The following SLCO3A1 variants were observed in gnomAD, a reference collection of about 807,000 sequenced individuals.
SLCO3A1 encodes the protein solute carrier organic anion transporter family member 3A1.
SLCO3A1 carries 27 observed loss-of-function variants against 63.1 expected under a neutral mutation model. The ratio of observed to expected loss-of-function variants is 0.43; its 90% confidence interval spans 0.32 to 0.59. SLCO3A1 has a LOEUF of 0.59. SLCO3A1 is among the 20% of genes least tolerant of loss of function. The pLI is 0.09. For synonymous variants in SLCO3A1, 473 were observed against 409.9 expected (o/e 1.15, Z -1.86); for missense variants, 773 against 945.8 (o/e 0.82, Z 2.40).
chr15:91,963,353 A>G (rs1900522748), intron 2 of SLCO3A1, among the ~76,000 whole-genome samples: 1 of 126,288 alleles, frequency 7.9e-6, no homozygotes, highest in Admixed American at 1.0e-4. Flanking sequence ...TTCAGCTGTT[A>G]GGGAGACCAG....
In SLCO3A1 at chr15:91,916,445, C is replaced by T. The variant is rs762651362; in HGVS notation, c.633C>T (p.Ser211=). 8.1e-6 allele frequency: 13 copies of T among 1,608,450 alleles called. No individual in the cohort carries two copies. In the African/African-American group the frequency reaches 1.7e-4, roughly 21 times the overall value. The change falls in exon 2 of 10, where the codon TCC becomes TCT. Residue 211 remains serine, a synonymous_variant. Transcript: ENST00000318445. This position sits in a 1 kb window ranked among gnomAD's most constrained non-coding sequence, Gnocchi z 6.2. ...YIDDHVRRKD[S]SLYIGILFTM... is the part of the protein sequence containing the mutation. ...ACGACCACGTGCGGAGGAAGGACTC[C>T]TCGCTCTATATAGGTAGGAGCTGCC...
rs1046286940 is a variant in SLCO3A1 at position 91,942,410 on chromosome 15, C to G, written c.646+25952C>G. 6.6e-6 allele frequency among the ~76,000 whole-genome samples: 1 copy of G among 152,148 alleles called. No homozygotes were observed. Among genetic ancestry groups the G allele is most frequent in the African/African-American group, 2.4e-5 (1 of 41,412 alleles). ...CCTATAGCTGTGCAGGTAAAACATGCCATTTAGCAGTGCTACTATGGCACA... is the reference window on the plus strand; with the variant it reads ...CCTATAGCTGTGCAGGTAAAACATGGCATTTAGCAGTGCTACTATGGCACA... On this transcript the variant is annotated intron_variant, in intron 2 of 9. Transcript: ENST00000318445. This position sits in a 1 kb window ranked among gnomAD's most constrained non-coding sequence, Gnocchi z 4.1.
chr15:91,947,285 A>G (rs886626931), intron 2 of SLCO3A1, among the ~76,000 whole-genome samples: 4 of 152,174 alleles, frequency 2.6e-5, no homozygotes, highest in African/African-American at 7.2e-5. Flanking sequence ...TGACGATGAC[A>G]TAGGAAAAGC....
intron 2 of SLCO3A1, among the ~76,000 whole-genome samples, chr15:91,947,026 A>G (rs969622382): frequency 6.6e-6 from 1 of 152,222 alleles, no homozygotes; most frequent in Non-Finnish European, 1.5e-5. Context: ...TACCCCTTAA[A>G]GCAGCACAAA....
intron 2 of SLCO3A1, among the ~76,000 whole-genome samples, chr15:92,038,450 C>A (rs896173679): frequency 6.6e-6 from 1 of 152,074 alleles, no homozygotes; most frequent in Admixed American, 6.5e-5. Flanking sequence ...CAATCCTATA[C>A]GCCAACAATA....
chr15:92,076,784 G>A lies in SLCO3A1; in HGVS notation c.647-18097G>A, dbSNP rs550667756. ...TGCCTGTAGTCGCACAGCCTGGCAT[G>A]GAGTCAGGAAGCCTGTGAGGGTTTA... is the stretch of plus-strand genomic sequence containing the variant. On this transcript the variant is annotated intron_variant, in intron 2 of 9. Coordinates refer to ENST00000318445, the MANE Select transcript of SLCO3A1 (RefSeq NM_013272.4). 7.2e-5 allele frequency among the ~76,000 whole-genome samples: 11 copies of A among 152,318 alleles called. No individual in the cohort carries two copies. In the South Asian group the frequency reaches 2.3e-3, roughly 32 times the overall value.
At chr15:92,059,011 C>T (rs138868198) in intron 2 of SLCO3A1, among the ~76,000 whole-genome samples, 13 of 152,268 alleles carry the variant, frequency 8.5e-5, no homozygotes, top group East Asian at 1.9e-4. Context: ...CCAAATGCAT[C>T]GCACTCACAA....
At chr15:92,141,013 T>C (rs1311166766) in intron 7 of SLCO3A1, among the ~76,000 whole-genome samples, 1 of 152,206 alleles carries the variant, frequency 6.6e-6, no homozygotes, top group Non-Finnish European at 1.5e-5. Flanking sequence ...TATGTTCTCG[T>C]AGAACGGACA....
At chr15:91,867,813 C>G (rs577167209) in intron 1 of SLCO3A1, among the ~76,000 whole-genome samples, 1 of 152,126 alleles carries the variant, frequency 6.6e-6, no homozygotes, top group Non-Finnish European at 1.5e-5. Context: ...GGCGGAGGCC[C>G]CGGGTGTTCT....
At chr15:92,006,021 C>G (rs1367087927) in intron 2 of SLCO3A1, among the ~76,000 whole-genome samples, 1 of 152,118 alleles carries the variant, frequency 6.6e-6, no homozygotes. Context: ...AATGCCACAC[C>G]AGGTGTGCTC....
Position 91,867,381 on chromosome 15 carries a change from G to T in SLCO3A1, c.180+13293G>T, listed in dbSNP as rs146592035. Among the ~76,000 whole-genome samples the T allele has an allele frequency of 5.5e-3, 837 of 152,174 alleles. 4 individuals are homozygous for T. The highest frequency in any genetic ancestry group is 0.018 in the African/African-American group (745 of 41,530). On this transcript the variant is annotated intron_variant, in intron 1 of 9. Coordinates refer to ENST00000318445, the MANE Select transcript of SLCO3A1 (RefSeq NM_013272.4). ...CCAGTATGGGTGCCACATGGGAGGG[G>T]GGCAAATATAGGGTCCTGGGCCTGA... is the stretch of plus-strand genomic sequence containing the variant.
intron 4 of SLCO3A1, 123 bp from the exon 5 acceptor site, chr15:92,120,342 T>TTAAAAA: frequency 4.1e-6 from 4 of 965,138 alleles, no homozygotes; most frequent in Admixed American, 2.4e-5. Context: ...TGGGTACCTC[T>TTAAAAA]GGATGCTGTT....
intron 2 of SLCO3A1, among the ~76,000 whole-genome samples, chr15:91,987,130 G>C (rs1158004755): frequency 1.3e-5 from 2 of 152,178 alleles, no homozygotes; most frequent in South Asian, 2.1e-4. Context: ...GGAAGGTGAT[G>C]CAGGTTTTAA....
chr15:92,146,556 G>A (rs778689773), intron 7 of SLCO3A1, among the ~76,000 whole-genome samples: 1 of 152,202 alleles, frequency 6.6e-6, no homozygotes, highest in Non-Finnish European at 1.5e-5. Context: ...AACAATATGC[G>A]GGTTACCTGA....
At chr15:92,154,576 G>T (rs1365534150) in intron 9 of SLCO3A1, among the ~76,000 whole-genome samples, 3 of 152,228 alleles carry the variant, frequency 2.0e-5, no homozygotes, top group Non-Finnish European at 4.4e-5. Flanking sequence ...ATGGGATAGG[G>T]GAACAGGAAG....
At chr15:91,877,840 TC>T (rs1423072006) in intron 1 of SLCO3A1, among the ~76,000 whole-genome samples, 1 of 152,126 alleles carries the variant, frequency 6.6e-6, no homozygotes, top group Non-Finnish European at 1.5e-5. Context: ...AGACCTGTAG[TC>T]TGATCTAAGC....
chr15:92,042,069 G>A (rs774460753), intron 2 of SLCO3A1, among the ~76,000 whole-genome samples: 2 of 152,178 alleles, frequency 1.3e-5, no homozygotes, highest in Non-Finnish European at 2.9e-5. Context: ...TGAGCCCCAT[G>A]TGACTCTGGG....
At chr15:92,055,328 T>G (rs532623445) in intron 2 of SLCO3A1, among the ~76,000 whole-genome samples, 57 of 152,348 alleles carry the variant, frequency 3.7e-4, no homozygotes, top group African/African-American at 1.4e-3. Context: ...AGATTCTTCT[T>G]ATAGATTCTG....
intron 2 of SLCO3A1, among the ~76,000 whole-genome samples, chr15:92,064,922 G>A (rs917086486): frequency 1.3e-5 from 2 of 152,194 alleles, no homozygotes; most frequent in African/African-American, 4.8e-5. Flanking sequence ...AATGCAGTTA[G>A]AGAGAAGAAA....
Sources: gnomAD v4.1 joint callset for allele counts (sites outside exome capture counted in the v4.1 genomes callset) on GRCh38, gnomAD v4.1.1 for gene constraint, Gnocchi (gnomAD v3.1) non-coding constraint, MANE v1.5 for transcripts, NCBI Gene and HGNC (gene_info 2026-07-23, HGNC 2026-07-21) for gene names.